KIAA2013: variants seen among roughly 807,000 people sequenced by gnomAD.
The protein encoded by KIAA2013 is uncharacterized protein KIAA2013.
A neutral mutation model predicts 39.9 loss-of-function variants in KIAA2013; 20 were observed. That is an observed-to-expected ratio of 0.50 (90% confidence interval 0.35 to 0.73). The LOEUF (loss-of-function observed/expected upper bound fraction) is 0.73, where lower values mean the gene tolerates loss of function less well. Among genes scored for constraint, KIAA2013 ranks in the 30% least tolerant of loss-of-function variants. The pLI is 0.01. For synonymous variants in KIAA2013, 336 were observed against 416.6 expected (o/e 0.81, Z 2.35); for missense variants, 587 against 856.1 (o/e 0.69, Z 3.92).
intron 2 of KIAA2013, among the ~76,000 whole-genome samples, chr1:11,921,212 C>T (rs557101321): frequency 8.5e-5 from 13 of 152,252 alleles, no homozygotes; most frequent in African/African-American, 2.2e-4. Flanking sequence ...CACAGAAGGC[C>T]GGGCGGCAGG....
intron 2 of KIAA2013, among the ~76,000 whole-genome samples, chr1:11,922,005 G>A (rs181770144): frequency 8.9e-4 from 132 of 148,626 alleles, no homozygotes; most frequent in Middle Eastern, 3.8e-3. Context: ...GCACCATCAC[G>A]CCTGGCTGAT....
At position 11,922,974 on chromosome 1, in the gene KIAA2013, G is replaced by T; in HGVS notation, c.1549C>A (p.Pro517Thr). 1.2e-6 allele frequency: 2 copies of T among 1,612,440 alleles called. No homozygotes were observed. Among genetic ancestry groups the T allele is most frequent in the South Asian group, 1.1e-5 (1 of 91,030 alleles). Residue 517 changes from proline (P) to threonine (T), a missense_variant, in exon 2 of 3, where the codon CCT becomes ACT. Coordinates refer to ENST00000376572, the MANE Select transcript of KIAA2013 (RefSeq NM_138346.3). ...LHVSVESRGQPVKIYACKAGC... is the reference protein window; with the variant it reads ...LHVSVESRGQTVKIYACKAGC... ...GCCTTGCAGGCATAGATCTTGACAGGCTGGCCACGGGACTCCACGGACACG... is the reference window on the plus strand; with the variant it reads ...GCCTTGCAGGCATAGATCTTGACAGTCTGGCCACGGGACTCCACGGACACG...
Position 11,925,515 on chromosome 1 carries a change from G to A in KIAA2013, c.723C>T (p.Asp241=), listed in dbSNP as rs752202163. 1 of 1,603,274 alleles carries A rather than the reference G, an allele frequency of 6.2e-7. No individual in the cohort carries two copies. Among genetic ancestry groups the A allele is most frequent in the Non-Finnish European group, 8.5e-7 (1 of 1,175,298 alleles). ...AFTSTLEKVG[D]HQFLLYSGRS... ...GGCCTGAGTAGAGGAGGAACTGATGGTCTCCGACCTTCTCCAGGGTACTGG... is the reference window on the plus strand; with the variant it reads ...GGCCTGAGTAGAGGAGGAACTGATGATCTCCGACCTTCTCCAGGGTACTGG... The change falls in exon 1 of 3, where the codon GAC becomes GAT. Residue 241 remains aspartate, a synonymous_variant. Coordinates refer to ENST00000376572, the MANE Select transcript of KIAA2013 (RefSeq NM_138346.3). This position sits in a 1 kb window ranked among gnomAD's most constrained non-coding sequence, Gnocchi z 5.2.
chr1:11,920,777 CTT>C (rs746469673), intron 2 of KIAA2013, among the ~76,000 whole-genome samples: 1 of 152,190 alleles, frequency 6.6e-6, no homozygotes. Context: ...TTTGATCTGA[CTT>C]TTGATTTTTC....
Position 11,925,250 on chromosome 1 carries a change from G to C in KIAA2013, c.988C>G (p.Leu330Val). ...CAGAGGAGCTGGTGGTCTTGAAGCA[G>C]CTCCGCCGCTGGCATGTCCAAGAGC... The part of the protein sequence containing the change: ...LELLDMPAAE[L>V]LQDHQLLWAQ... The change falls in exon 1 of 3, where the codon CTG becomes GTG. Residue 330 changes from leucine to valine, a missense_variant. Transcript: ENST00000376572. The surrounding 1 kb of genome is among the most constrained non-coding windows in gnomAD (Gnocchi z 5.2). 1 of 1,606,978 alleles carries C rather than the reference G, an allele frequency of 6.2e-7. No homozygotes were observed. Among genetic ancestry groups the C allele is most frequent in the African/African-American group, 1.3e-5 (1 of 74,900 alleles).
At chr1:11,921,268 A>G (rs1645472831) in intron 2 of KIAA2013, among the ~76,000 whole-genome samples, 2 of 152,286 alleles carry the variant, frequency 1.3e-5, no homozygotes, top group South Asian at 4.1e-4. Flanking sequence ...TGATGCTAAG[A>G]TGCTGCCCCG....
rs1439422208 is a variant in KIAA2013 at position 11,920,263 on chromosome 1, A to G, written c.*52T>C. The G allele has an allele frequency of 1.4e-5, 22 of 1,605,106 alleles. No homozygotes were observed. Among genetic ancestry groups the G allele is most frequent in the Non-Finnish European group, 1.8e-5 (21 of 1,171,966 alleles). ...CCTTGCTCCTGGCAGCGGGACTTTC[A>G]GTGCTGGGTGTCTTGTGCAAATGGT... On this transcript the variant is annotated 3_prime_UTR_variant, in exon 3 of 3. Transcript: ENST00000376572.
chr1:11,921,485 AG>A (rs1321931107), intron 2 of KIAA2013, among the ~76,000 whole-genome samples: 1 of 152,152 alleles, frequency 6.6e-6, no homozygotes, highest in Non-Finnish European at 1.5e-5. Context: ...GTTCAGACAG[AG>A]GCTTCAAGTC....
At chr1:11,922,235 G>T in intron 2 of KIAA2013, 1 of 567,510 alleles carries the variant, frequency 1.8e-6, no homozygotes, top group Non-Finnish European at 2.6e-6. Context: ...TGTTGCCCCA[G>T]CTAGAGTGCA....
chr1:11,925,840 G>A lies in KIAA2013; in HGVS notation c.398C>T (p.Ala133Val), dbSNP rs1645503676. ...VPFVQLRPLSALAEAGEAVLL... is the reference protein window; with the variant it reads ...VPFVQLRPLSVLAEAGEAVLL... ...CACCGCCTCTCCAGCTTCAGCCAGC[G>A]CGCTCAGCGGGCGCAGCTGCACGAA... Residue 133 changes from alanine (A) to valine (V), a missense_variant, in exon 1 of 3, where the codon GCG becomes GTG. Coordinates refer to ENST00000376572, the MANE Select transcript of KIAA2013 (RefSeq NM_138346.3). This position sits in a 1 kb window ranked among gnomAD's most constrained non-coding sequence, Gnocchi z 5.2. 1 of 1,533,924 alleles carries A rather than the reference G, an allele frequency of 6.5e-7. No homozygotes were observed.
rs1443783300 is a variant in KIAA2013 at position 11,923,281 on chromosome 1, C to T, written c.1242G>A (p.Pro414=). Residue 414 remains proline, a synonymous_variant, in exon 2 of 3, where the codon CCG becomes CCA. Transcript: ENST00000376572. This position sits in a 1 kb window ranked among gnomAD's most constrained non-coding sequence, Gnocchi z 4.6. ...HATMHAENLW[P]GRLSSVQQIL... ...TCTGCTGGACGGAGGACAGCCGCCC[C>T]GGCCACAGGTTCTCGGCGTGCATGG... The T allele has an allele frequency of 1.4e-5, 23 of 1,613,196 alleles. No individual in the cohort carries two copies. The highest frequency in any genetic ancestry group is 7.7e-5 in the South Asian group (7 of 91,014).
Position 11,923,582 on chromosome 1 carries a change from T to TC in KIAA2013, c.1034-94_1034-93insG. On this transcript the variant is annotated intron_variant, in intron 1 of 2. Transcript: ENST00000376572. This position sits in a 1 kb window ranked among gnomAD's most constrained non-coding sequence, Gnocchi z 4.6. ...GACCAAGGGCAGCAGAAGAGTGAGGTGTTGTGCCTTAATGATAAAGACAGT... is the reference window on the plus strand; with the variant it reads ...GACCAAGGGCAGCAGAAGAGTGAGGTCGTTGTGCCTTAATGATAAAGACAGT... The TC allele has an allele frequency of 7.7e-7, 1 of 1,300,234 alleles. No homozygotes were observed. The highest frequency in any genetic ancestry group is 1.3e-5 in the South Asian group (1 of 76,074). 80.5% of individuals were successfully genotyped at this position (1,300,234 alleles called of 1,614,324 possible). A position where few individuals can be genotyped will look rare whatever the true frequency, so the allele number is the denominator to read the frequency against.
rs149442226 is a variant in KIAA2013, at chr1:11,922,867, C to T, written c.1656G>A (p.Thr552=). The T allele has an allele frequency of 5.8e-5, 93 of 1,612,418 alleles. No individual in the cohort carries two copies. Among genetic ancestry groups the T allele is most frequent in the Non-Finnish European group, 7.1e-5 (84 of 1,179,054 alleles). Residue 552 remains threonine (T), a synonymous_variant, in exon 2 of 3, where the codon ACG becomes ACA. Transcript: ENST00000376572. The stretch of plus-strand genomic sequence containing the variant: ...GGTCGGTGGAGATGTAGAGCAGTGG[C>T]GTGATGGGCTGTGTCACCATGACCG... ...TFSVMVTQPI[T]PLLYISTDLT...
Position 11,925,777 on chromosome 1 carries a change from C to T in KIAA2013, c.461G>A (p.Cys154Tyr). 1.3e-6 allele frequency: 2 copies of T among 1,544,628 alleles called. No homozygotes were observed. The highest frequency in any genetic ancestry group is 1.7e-6 in the Non-Finnish European group (2 of 1,152,958). Residue 154 changes from cysteine (C) to tyrosine (Y), a missense_variant, in exon 1 of 3, where the codon TGC becomes TAC. Coordinates refer to ENST00000376572, the MANE Select transcript of KIAA2013 (RefSeq NM_138346.3). The surrounding 1 kb of genome is among the most constrained non-coding windows in gnomAD (Gnocchi z 5.2). ...AGGACCTGGGGACCCCAGCTGCAGG[C>T]AACGCACGCGGCGCAGAAGCCCCTC... is the stretch of plus-strand genomic sequence containing the variant. The part of the protein sequence containing the change: ...LREGLLRRVR[C>Y]LQLGSPGPGP...
Position 11,926,327 on chromosome 1 carries a change from GC to G in KIAA2013, c.-91del. 1 of 590,714 alleles carries G rather than the reference GC, an allele frequency of 1.7e-6. No homozygotes were observed. The highest frequency in any genetic ancestry group is 2.1e-6 in the Non-Finnish European group (1 of 469,850). The allele number at this position is 590,714 out of a possible 1,614,324, so 36.6% of individuals were successfully genotyped here. ...CCGGCCGCCCGCGCCTCACTGCCCG[GC>G]CCGGACCGCGGCGCCCACCCCGGCC... is the stretch of plus-strand genomic sequence containing the variant. On this transcript the variant is annotated 5_prime_UTR_variant, in exon 1 of 3. Coordinates refer to ENST00000376572, the MANE Select transcript of KIAA2013 (RefSeq NM_138346.3).
At chr1:11,924,892 A>G in intron 1 of KIAA2013, among the ~76,000 whole-genome samples, 1 of 152,204 alleles carries the variant, frequency 6.6e-6, no homozygotes, top group South Asian at 2.1e-4. Context: ...AACTGACTCT[A>G]AAACACTTCA....
rs748627149 is a variant in KIAA2013 at position 11,925,742 on chromosome 1, C to G, written c.496G>C (p.Ala166Pro). ...QLGSPGPGPVAAGPGPASVSG... is the reference protein window; with the variant it reads ...QLGSPGPGPVPAGPGPASVSG... Reference sequence around the variant, plus strand: ...ACGGAGGCGGGCCCGGGGCCGGCGGCCACGGGGCCAGGACCTGGGGACCCC... The same window carrying G: ...ACGGAGGCGGGCCCGGGGCCGGCGGGCACGGGGCCAGGACCTGGGGACCCC... Residue 166 changes from alanine (A) to proline (P), a missense_variant, in exon 1 of 3, where the codon GCC (alanine) becomes CCC (proline). Physicochemically the swap from Ala to Pro is conservative, Grantham distance 27 (BLOSUM62 -1). Coordinates refer to ENST00000376572, the MANE Select transcript of KIAA2013 (RefSeq NM_138346.3). This position sits in a 1 kb window ranked among gnomAD's most constrained non-coding sequence, Gnocchi z 5.2. 7 of 1,540,922 alleles carry G rather than the reference C, an allele frequency of 4.5e-6. No individual in the cohort carries two copies. The highest frequency in any genetic ancestry group is 5.2e-6 in the Non-Finnish European group (6 of 1,152,600).
chr1:11,921,959 C>T (rs1645477402), intron 2 of KIAA2013, among the ~76,000 whole-genome samples: 1 of 151,804 alleles, frequency 6.6e-6, no homozygotes, highest in Admixed American at 6.6e-5. Context: ...GTGATCCTCC[C>T]ACCTCAGCCT....
Position 11,923,200 on chromosome 1 carries a change from C to G in KIAA2013, c.1323G>C (p.Gly441=), listed in dbSNP as rs769901247. The change falls in exon 2 of 3, where the codon GGG becomes GGC. Residue 441 remains glycine (G), a synonymous_variant. Coordinates refer to ENST00000376572, the MANE Select transcript of KIAA2013 (RefSeq NM_138346.3). The surrounding 1 kb of genome is among the most constrained non-coding windows in gnomAD (Gnocchi z 4.6). The part of the protein sequence containing the change: ...RLTLQKRGCK[G]LVKVGAPGIL... ...TGCCTGGGGCACCCACCTTCACCAG[C>G]CCCTTGCAGCCACGCTTCTGGAGGG... The G allele has an allele frequency of 1.1e-5, 18 of 1,613,724 alleles. No individual in the cohort carries two copies. Among genetic ancestry groups the G allele is most frequent in the Non-Finnish European group, 1.4e-5 (17 of 1,179,856 alleles).
Sources: allele counts gnomAD v4.1 joint callset (sites outside exome capture counted in the v4.1 genomes callset), GRCh38; gene constraint gnomAD v4.1.1; non-coding constraint Gnocchi (gnomAD v3.1); transcripts MANE v1.5; gene names NCBI Gene and HGNC (gene_info 2026-07-23, HGNC 2026-07-21).